The following HIVEP3 variants were observed in gnomAD, a reference collection of about 807,000 sequenced individuals.
The protein encoded by HIVEP3 is transcription factor HIVEP3.
HIVEP3 carries 49 observed loss-of-function variants against 152.8 expected under a neutral mutation model. That is an observed-to-expected ratio of 0.32 (90% confidence interval 0.26 to 0.41). The LOEUF (loss-of-function observed/expected upper bound fraction) is 0.41. Ranked by LOEUF, HIVEP3 falls within the 10% of genes least tolerant of loss-of-function variation. HIVEP3 has a pLI of 1.00. For missense variants in HIVEP3, 2,790 were observed against 3,103.3 expected (o/e 0.90, Z 2.40); for synonymous variants, 1,269 against 1,289.0 (o/e 0.98, Z 0.33).
chr1:41,616,620 CT>C (rs34266558), intron 3 of HIVEP3, among the ~76,000 whole-genome samples: 112 of 112,454 alleles, frequency 1.0e-3, no homozygotes, highest in East Asian at 2.1e-3. Flanking sequence ...GATGGGGAGC[CT>C]TTTTTTTTTT....
chr1:41,714,689 C>G (rs1026332802), intron 1 of HIVEP3, among the ~76,000 whole-genome samples: 1 of 152,142 alleles, frequency 6.6e-6, no homozygotes, highest in East Asian at 1.9e-4. Context: ...AAGGGCTTGG[C>G]CCCTGGGAGA....
intron 1 of HIVEP3, among the ~76,000 whole-genome samples, chr1:41,719,067 C>T (rs1421667281): frequency 6.6e-6 from 1 of 152,182 alleles, no homozygotes; most frequent in Non-Finnish European, 1.5e-5. Flanking sequence ...AGATAAAGGC[C>T]AGATAGCTAA....
At chr1:41,653,237 CATAACATATATAT>C (rs1645578371) in intron 2 of HIVEP3, among the ~76,000 whole-genome samples, 1 of 151,196 alleles carries the variant, frequency 6.6e-6, no homozygotes, top group South Asian at 2.1e-4. Context: ...TGTGTATGTA[CATAACATATATAT>C]ATAACATATA....
intron 1 of HIVEP3, among the ~76,000 whole-genome samples, chr1:41,953,768 G>T (rs1398106622): frequency 6.6e-6 from 1 of 152,218 alleles, no homozygotes; most frequent in Non-Finnish European, 1.5e-5. Flanking sequence ...GAAGAAGGAA[G>T]GAGATGCAAG....
intron 1 of HIVEP3, among the ~76,000 whole-genome samples, chr1:41,882,671 G>A (rs917590495): frequency 1.3e-5 from 2 of 152,150 alleles, no homozygotes; most frequent in African/African-American, 4.8e-5. Flanking sequence ...TGTATCCTCA[G>A]CAGACTGTGA....
chr1:41,816,774 T>G (rs2124336023), intron 1 of HIVEP3, among the ~76,000 whole-genome samples: 2 of 152,304 alleles, frequency 1.3e-5, no homozygotes, highest in South Asian at 4.1e-4. Flanking sequence ...GTGGTTCTCC[T>G]GCAAGCCCCA....
intron 1 of HIVEP3, among the ~76,000 whole-genome samples, chr1:41,982,826 C>T (rs1645300928): frequency 6.6e-6 from 1 of 152,194 alleles, no homozygotes; most frequent in Admixed American, 6.5e-5. Flanking sequence ...CAAGGCTCTG[C>T]CTGGTACAGA....
intron 2 of HIVEP3, among the ~76,000 whole-genome samples, chr1:41,658,873 C>T (rs1421270054): frequency 1.3e-5 from 2 of 152,176 alleles, no homozygotes; most frequent in African/African-American, 4.8e-5. Flanking sequence ...GAATTGTCTC[C>T]TAAAAACCTC....
chr1:41,520,520 G>GAA (rs1257514727), intron 6 of HIVEP3, among the ~76,000 whole-genome samples: 1 of 152,164 alleles, frequency 6.6e-6, no homozygotes, highest in Non-Finnish European at 1.5e-5. Context: ...CAAGAGGTGG[G>GAA]AAAAGGCAGC....
At chr1:41,786,840 C>T (rs1649378086) in intron 1 of HIVEP3, among the ~76,000 whole-genome samples, 1 of 151,708 alleles carries the variant, frequency 6.6e-6, no homozygotes, top group Non-Finnish European at 1.5e-5. Flanking sequence ...CAACCTCCTC[C>T]TCCCAGGTCC....
At chr1:41,645,737 T>G (rs1201087221) in intron 2 of HIVEP3, among the ~76,000 whole-genome samples, 1 of 152,226 alleles carries the variant, frequency 6.6e-6, no homozygotes, top group Non-Finnish European at 1.5e-5. Flanking sequence ...AGTAAATACA[T>G]GCTGGGCTAA....
rs539551029 is a variant in HIVEP3, at chr1:42,003,001, G to T, written n.119+32806C>A. Among the ~76,000 whole-genome samples, 8 of 151,988 alleles carry T rather than the reference G, an allele frequency of 5.3e-5. No homozygotes were observed. The East Asian group carries it at 9.6e-4, about 18-fold the overall frequency. The stretch of plus-strand genomic sequence containing the variant: ...AGTATTATCTTTTAGAGATTTCTGG[G>T]TTTTTTTTGTTCTAACTGCTAACTA... On this transcript the variant is annotated intron_variant and non_coding_transcript_variant, in intron 1 of 3. Transcript: ENST00000489103.
At chr1:41,722,999 T>C (rs563312178) in intron 1 of HIVEP3, among the ~76,000 whole-genome samples, 17 of 152,152 alleles carry the variant, frequency 1.1e-4, no homozygotes, top group Admixed American at 5.9e-4. Flanking sequence ...ATCCTGAGGG[T>C]CCTTGCAAGT....
chr1:41,854,517 C>CTT (rs998972000), intron 1 of HIVEP3, among the ~76,000 whole-genome samples: 3,775 of 103,518 alleles, frequency 0.036, 328 homozygotes, highest in African/African-American at 0.14. Flanking sequence ...TCTTGCTGCA[C>CTT]TTTTTTTTTT....
At chr1:42,029,030 AT>A in intron 1 of HIVEP3, among the ~76,000 whole-genome samples, 1 of 152,170 alleles carries the variant, frequency 6.6e-6, no homozygotes, top group East Asian at 1.9e-4. Context: ...AACTAATCTA[AT>A]TTTTTACAAG....
At chr1:41,950,073 C>T (rs377235989) in intron 1 of HIVEP3, among the ~76,000 whole-genome samples, 128 of 152,210 alleles carry the variant, frequency 8.4e-4, no homozygotes, top group Non-Finnish European at 1.4e-3. Context: ...CCTTTAAACA[C>T]GGGGCTTGCA....
At chr1:41,720,145 A>G (rs778763166) in intron 1 of HIVEP3, among the ~76,000 whole-genome samples, 5 of 152,082 alleles carry the variant, frequency 3.3e-5, no homozygotes, top group Non-Finnish European at 5.9e-5. Flanking sequence ...CCCACCCTCC[A>G]TCTACATCGC....
At chr1:41,684,498 C>A (rs1262313914) in intron 2 of HIVEP3, among the ~76,000 whole-genome samples, 1 of 152,224 alleles carries the variant, frequency 6.6e-6, no homozygotes, top group Non-Finnish European at 1.5e-5. Context: ...ATAGACCTGG[C>A]ATCTGGCTGA....
intron 1 of HIVEP3, among the ~76,000 whole-genome samples, chr1:41,724,641 CA>C (rs892611061): frequency 2.0e-5 from 3 of 152,202 alleles, no homozygotes; most frequent in Non-Finnish European, 2.9e-5. Flanking sequence ...TGGACAGGGG[CA>C]GCTCCACGTC....
Sources: gnomAD v4.1 joint callset for allele counts (sites outside exome capture counted in the v4.1 genomes callset) on GRCh38, gnomAD v4.1.1 for gene constraint, MANE v1.5 for transcripts, NCBI Gene and HGNC (gene_info 2026-07-23, HGNC 2026-07-21) for gene names.